The following ADAMTS2 variants were observed in gnomAD, a reference collection of about 807,000 sequenced individuals.
ADAMTS2 encodes ADAM metallopeptidase with thrombospondin type 1 motif 2.
ADAMTS2 carries 50 observed loss-of-function variants against 123.0 expected under a neutral mutation model. That is an observed-to-expected ratio of 0.41 (90% CI 0.32 to 0.51). The LOEUF (loss-of-function observed/expected upper bound fraction) is 0.51, where lower values mean the gene tolerates loss of function less well. Among genes scored for constraint, ADAMTS2 ranks in the 20% least tolerant of loss-of-function variants. The pLI is 0.35. For synonymous variants in ADAMTS2, 678 were observed against 695.4 expected, an observed-to-expected ratio of 0.98 and a Z score of 0.39; for missense variants, 1,494 against 1,705.2, an observed-to-expected ratio of 0.88 and a Z score of 2.18.
chr5:179,325,805 C>G (rs1026255846), intron 2 of ADAMTS2, among the ~76,000 whole-genome samples: 3 of 152,270 alleles, frequency 2.0e-5, no homozygotes, highest in Admixed American at 1.3e-4. Context: ...GCTTCTGCCC[C>G]GGTTTTCTGT....
At chr5:179,163,346 A>G (rs1171289917) in intron 5 of ADAMTS2, among the ~76,000 whole-genome samples, 1 of 152,194 alleles carries the variant, frequency 6.6e-6, no homozygotes, top group Non-Finnish European at 1.5e-5. Flanking sequence ...AGGAGTGGCG[A>G]GGACTGTGGC....
At position 179,112,116 on chromosome 5, in the gene ADAMTS2, A is replaced by C. The variant is rs1449637715; in HGVS notation, c.*1751T>G. On this transcript the variant is annotated 3_prime_UTR_variant, in exon 22 of 22. Coordinates refer to ENST00000251582, the MANE Select transcript of ADAMTS2 (RefSeq NM_014244.5). The stretch of plus-strand genomic sequence containing the variant: ...TACACACAGAGCCACCCACATGTGC[A>C]GCCTCAGACAAACATACTTATTAGC... The C allele has an allele frequency of 6.6e-6, 1 of 152,378 alleles. No homozygotes were observed. Among genetic ancestry groups the C allele is most frequent in the South Asian group, 2.1e-4 (1 of 4,824 alleles). 9.4% of individuals were successfully genotyped at this position (152,378 alleles called of 1,614,324 possible). A position where few individuals can be genotyped will look rare whatever the true frequency, so the allele number is the denominator to read the frequency against.
At chr5:179,194,518 T>C (rs983704585) in intron 4 of ADAMTS2, among the ~76,000 whole-genome samples, 1 of 151,398 alleles carries the variant, frequency 6.6e-6, no homozygotes, top group South Asian at 2.1e-4. Flanking sequence ...GAGAGGCGGG[T>C]GTGGCCAGGG....
At chr5:179,160,670 T>A (rs1464175515) in intron 5 of ADAMTS2, among the ~76,000 whole-genome samples, 1 of 152,180 alleles carries the variant, frequency 6.6e-6, no homozygotes, top group African/African-American at 2.4e-5. Flanking sequence ...CTAACAAGGT[T>A]TCCATGAGTC....
At position 179,130,229 on chromosome 5, in the gene ADAMTS2, T is replaced by G; in HGVS notation, c.2291-131A>C. 1 of 1,161,198 alleles carries G rather than the reference T, an allele frequency of 8.6e-7. No homozygotes were observed. Among genetic ancestry groups the G allele is most frequent in the Non-Finnish European group, 1.3e-6 (1 of 797,116 alleles). 71.9% of individuals were successfully genotyped at this position (1,161,198 alleles called of 1,614,324 possible). ...GTCTCTCTGGCTGCCCCCGGCCAGT[T>G]TCCTCTGTGCCACGACAGCCCAGAT... is the stretch of plus-strand genomic sequence containing the variant. On this transcript the variant is annotated intron_variant, in intron 15 of 21. Coordinates refer to ENST00000251582, the MANE Select transcript of ADAMTS2 (RefSeq NM_014244.5). This position sits in a 1 kb window ranked among gnomAD's most constrained non-coding sequence, Gnocchi z 4.3.
chr5:179,158,402 G>A lies in ADAMTS2; in HGVS notation c.1132+321C>T, dbSNP rs897217894. ...GATGCTCTCTGTCTATAGAGTGAGT[G>A]GAGGTGACAGGCCTCCTTTCTTTCC... On this transcript the variant is annotated intron_variant, in intron 6 of 21. Transcript: ENST00000251582. This position sits in a 1 kb window ranked among gnomAD's most constrained non-coding sequence, Gnocchi z 5.0. Among the ~76,000 whole-genome samples, 2 of 152,206 alleles carry A rather than the reference G, an allele frequency of 1.3e-5. No individual in the cohort carries two copies. Among genetic ancestry groups the A allele is most frequent in the African/African-American group, 4.8e-5 (2 of 41,452 alleles).
rs568880613 is a variant in ADAMTS2, at chr5:179,301,851, G to A, written c.535-28787C>T. Among the ~76,000 whole-genome samples, 10 of 152,376 alleles carry A rather than the reference G, an allele frequency of 6.6e-5. No individual in the cohort carries two copies. In the East Asian group the frequency reaches 7.7e-4, roughly 12 times the overall value. Reference sequence around the variant, plus strand: ...CAGCGTGTGAAGAAGGAGTGCAGCCGGAGAGCCGGTGGCAGCAGGGCGTGC... The same window carrying A: ...CAGCGTGTGAAGAAGGAGTGCAGCCAGAGAGCCGGTGGCAGCAGGGCGTGC... On this transcript the variant is annotated intron_variant, in intron 2 of 21. Coordinates refer to ENST00000251582, the MANE Select transcript of ADAMTS2 (RefSeq NM_014244.5).
At position 179,125,185 on chromosome 5, in the gene ADAMTS2, C is replaced by G. The variant is rs751090751; in HGVS notation, c.2751-5G>C. ...TCCCATTCGCCTGTGACCCACCTGC[C>G]AGGGCAGAGCGGGGCACAGTCAGGC... On this transcript the variant is annotated splice_region_variant and splice_polypyrimidine_tract_variant and intron_variant, in intron 18 of 21. Coordinates refer to ENST00000251582, the MANE Select transcript of ADAMTS2 (RefSeq NM_014244.5). 4.3e-6 allele frequency: 7 copies of G among 1,611,852 alleles called. No individual in the cohort carries two copies. The highest frequency in any genetic ancestry group is 5.1e-6 in the Non-Finnish European group (6 of 1,179,816).
In ADAMTS2 at chr5:179,314,560, C is replaced by A. The variant is rs1360343565; in HGVS notation, c.534+29207G>T. 6.6e-6 allele frequency among the ~76,000 whole-genome samples: 1 copy of A among 152,200 alleles called. No homozygotes were observed. Among genetic ancestry groups the A allele is most frequent in the Admixed American group, 6.5e-5 (1 of 15,282 alleles). ...CTCCTGCCTCTGCAGCCCCCCGGGC[C>A]GTGTCTCTCTCTCACGGGCCCACAT... On this transcript the variant is annotated intron_variant, in intron 2 of 21. Coordinates refer to ENST00000251582, the MANE Select transcript of ADAMTS2 (RefSeq NM_014244.5). This position sits in a 1 kb window ranked among gnomAD's most constrained non-coding sequence, Gnocchi z 4.5.
intron 2 of ADAMTS2, among the ~76,000 whole-genome samples, chr5:179,289,285 G>C (rs1012373660): frequency 4.6e-5 from 7 of 152,310 alleles, no homozygotes; most frequent in African/African-American, 1.7e-4. Flanking sequence ...GATAGTAATA[G>C]GTTAGAACCC....
In ADAMTS2 at chr5:179,204,267, G is replaced by T. The variant is rs1764627921; in HGVS notation, c.891+3246C>A. On this transcript the variant is annotated intron_variant, in intron 4 of 21. Coordinates refer to ENST00000251582, the MANE Select transcript of ADAMTS2 (RefSeq NM_014244.5). ...ATGAAGAGTTCTGTGGACGGTGGTGGCGATGGTGGCCCAGCCACATGAATG... is the reference window on the plus strand; with the variant it reads ...ATGAAGAGTTCTGTGGACGGTGGTGTCGATGGTGGCCCAGCCACATGAATG... 2.0e-5 allele frequency among the ~76,000 whole-genome samples: 3 copies of T among 152,216 alleles called. No homozygotes were observed. In the South Asian group the frequency reaches 6.2e-4, roughly 31 times the overall value.
intron 2 of ADAMTS2, among the ~76,000 whole-genome samples, chr5:179,294,567 T>C (rs1756279756): frequency 6.6e-6 from 1 of 152,098 alleles, no homozygotes; most frequent in African/African-American, 2.4e-5. Context: ...TCCGGAATGG[T>C]GGTCTGGAGA....
At chr5:179,215,029 T>C (rs463455) in intron 3 of ADAMTS2, among the ~76,000 whole-genome samples, 32,495 of 151,938 alleles carry the variant, frequency 0.21, 3,696 homozygotes, top group South Asian at 0.26. Flanking sequence ...AGAAAAATAA[T>C]GAAAAAGAAT....
At chr5:179,266,690 G>T (rs1364901427) in intron 3 of ADAMTS2, among the ~76,000 whole-genome samples, 1 of 152,202 alleles carries the variant, frequency 6.6e-6, no homozygotes, top group African/African-American at 2.4e-5. Flanking sequence ...CAGCTACAGG[G>T]CAGAAAGGCT....
chr5:179,281,381 T>C (rs1766900432), intron 2 of ADAMTS2, among the ~76,000 whole-genome samples: 1 of 152,214 alleles, frequency 6.6e-6, no homozygotes, highest in Admixed American at 6.5e-5. Context: ...CAACCACTAA[T>C]CTACATTCTG....
chr5:179,302,343 G>A (rs1756550093), intron 2 of ADAMTS2, among the ~76,000 whole-genome samples: 1 of 124,792 alleles, frequency 8.0e-6, no homozygotes, highest in Non-Finnish European at 1.6e-5. Context: ...GGCGCCTGTA[G>A]TCCCAGCTGC....
chr5:179,160,544 G>A (rs904725602), intron 5 of ADAMTS2, among the ~76,000 whole-genome samples: 3 of 152,208 alleles, frequency 2.0e-5, no homozygotes, highest in East Asian at 1.9e-4. Flanking sequence ...AAGACAAGTC[G>A]TTCCCAGGGG....
In ADAMTS2 at chr5:179,344,843, C is replaced by A. The variant is rs542091700; in HGVS notation, c.139+347G>T. Among the ~76,000 whole-genome samples, 17 of 152,288 alleles carry A rather than the reference C, an allele frequency of 1.1e-4. No individual in the cohort carries two copies. In the South Asian group the frequency reaches 3.5e-3, roughly 32 times the overall value. On this transcript the variant is annotated intron_variant, in intron 1 of 21. Coordinates refer to ENST00000251582, the MANE Select transcript of ADAMTS2 (RefSeq NM_014244.5). ...GGCAGCCGGCTCCTCCGGAGCGTCC[C>A]CGGACGCGAGCCCCGGCGCCGCCTC...
At chr5:179,248,985 G>A (rs1335292168) in intron 3 of ADAMTS2, among the ~76,000 whole-genome samples, 1 of 151,834 alleles carries the variant, frequency 6.6e-6, no homozygotes, top group Non-Finnish European at 1.5e-5. Context: ...TCATATGTTA[G>A]GTCACAAAAC....
Sources: allele counts gnomAD v4.1 joint callset (sites outside exome capture counted in the v4.1 genomes callset), GRCh38; gene constraint gnomAD v4.1.1; non-coding constraint Gnocchi (gnomAD v3.1); transcripts MANE v1.5; gene names NCBI Gene and HGNC (gene_info 2026-07-23, HGNC 2026-07-21).